The following TBC1D1 variants were observed in gnomAD, a reference collection of about 807,000 sequenced individuals.
TBC1D1 encodes the protein TBC1 (tre-2/USP6, BUB2, cdc16) domain family, member 1.
In TBC1D1, 89 loss-of-function variants were observed where a neutral mutation model predicts 125.6. The ratio of observed to expected loss-of-function variants is 0.71; its 90% CI spans 0.60 to 0.85. The LOEUF (loss-of-function observed/expected upper bound fraction) is 0.85. TBC1D1 is among the 40% of genes least tolerant of loss of function. TBC1D1 has a pLI of 0.00. For synonymous variants in TBC1D1, 565 were observed against 564.1 expected, an observed-to-expected ratio of 1.00 and a Z score of -0.02; for missense variants, 1,377 against 1,469.2, an observed-to-expected ratio of 0.94 and a Z score of 1.03.
In TBC1D1 at chr4:38,017,784, G is replaced by A. The variant is rs150738236; in HGVS notation, c.883-570G>A. Among the ~76,000 whole-genome samples the A allele has an allele frequency of 3.9e-5, 6 of 152,300 alleles. No homozygotes were observed. The East Asian group carries it at 1.2e-3, about 29-fold the overall frequency. On this transcript the variant is annotated intron_variant, in intron 3 of 19. Transcript: ENST00000261439. Reference sequence around the variant, plus strand: ...AAAAGGCAGCCTTTCACAGCCTGCAGGGGCGTGTGCACACAGAGTAGGTTG... The same window carrying A: ...AAAAGGCAGCCTTTCACAGCCTGCAAGGGCGTGTGCACACAGAGTAGGTTG...
chr4:37,930,797 C>T (rs868778510), intron 2 of TBC1D1, among the ~76,000 whole-genome samples: 1 of 151,974 alleles, frequency 6.6e-6, no homozygotes. Context: ...TGTTTGTTTT[C>T]CTAAAGAAAT....
rs542577859 is a variant in TBC1D1 at position 38,037,775 on chromosome 4, AT to A, written c.1413+2078del. Among the ~76,000 whole-genome samples the A allele has an allele frequency of 1.1e-4, 17 of 152,334 alleles. No homozygotes were observed. The East Asian group carries it at 2.3e-3, about 21-fold the overall frequency. ...GCGTGTCAGGGTCGGCAGGGAGGCC[AT>A]ATGCGCTTTTCAAAGACCAAAAGAA... On this transcript the variant is annotated intron_variant, in intron 8 of 19. Coordinates refer to ENST00000261439, the MANE Select transcript of TBC1D1 (RefSeq NM_015173.4).
At chr4:38,080,252 CAG>C (rs1244105337) in intron 12 of TBC1D1, among the ~76,000 whole-genome samples, 6 of 152,164 alleles carry the variant, frequency 3.9e-5, no homozygotes, top group Admixed American at 2.0e-4. Flanking sequence ...GCTGTAATCA[CAG>C]AGTGAACAAT....
At chr4:38,112,549 C>G (rs959208001) in intron 15 of TBC1D1, among the ~76,000 whole-genome samples, 2 of 152,132 alleles carry the variant, frequency 1.3e-5, no homozygotes, top group Non-Finnish European at 2.9e-5. Context: ...TGTGTTCTGT[C>G]CCTTTTTAAA....
rs1307382926 is a variant in TBC1D1, at chr4:37,902,382, G to A, written c.287G>A (p.Cys96Tyr). ...CTGATCTATTCCAGCATCTTTGAGT[G>A]CAAGCCTCAGCGTGTTCACAAACTG... is the stretch of plus-strand genomic sequence containing the variant. The change falls in exon 2 of 20, where the codon TGC becomes TAC. Residue 96 changes from cysteine to tyrosine, a missense_variant. Transcript: ENST00000261439. The A allele has an allele frequency of 6.2e-7, 1 of 1,614,100 alleles. No individual in the cohort carries two copies. Among genetic ancestry groups the A allele is most frequent in the African/African-American group, 1.3e-5 (1 of 74,930 alleles).
chr4:38,000,737 GACA>G (rs1738886694), intron 2 of TBC1D1, among the ~76,000 whole-genome samples: 1 of 152,074 alleles, frequency 6.6e-6, no homozygotes, highest in Admixed American at 6.6e-5. Context: ...GTTAAATTCT[GACA>G]CTAACAACCT....
intron 14 of TBC1D1, among the ~76,000 whole-genome samples, chr4:38,100,278 C>T (rs1396677536): frequency 1.3e-5 from 2 of 152,244 alleles, no homozygotes; most frequent in African/African-American, 4.8e-5. Context: ...AAATTCTTCT[C>T]TCAGTGTTCT....
chr4:38,001,740 T>C (rs888021714), intron 2 of TBC1D1, among the ~76,000 whole-genome samples: 4 of 152,214 alleles, frequency 2.6e-5, no homozygotes, highest in Admixed American at 6.5e-5. Flanking sequence ...ACCAAATAGT[T>C]CTTATTATAT....
At chr4:38,027,621 G>A (rs2152445650) in intron 6 of TBC1D1, among the ~76,000 whole-genome samples, 167 bp from the exon 7 acceptor site, 1 of 152,012 alleles carries the variant, frequency 6.6e-6, no homozygotes, top group Admixed American at 6.6e-5. Flanking sequence ...GGGTGACAGA[G>A]TGGGATTCCA....
intron 15 of TBC1D1, among the ~76,000 whole-genome samples, chr4:38,103,598 G>C (rs1033034211): frequency 6.6e-6 from 1 of 152,168 alleles, no homozygotes; most frequent in African/African-American, 2.4e-5. Flanking sequence ...GTTTGTGTGT[G>C]TGCCTTGAAT....
intron 2 of TBC1D1, among the ~76,000 whole-genome samples, chr4:37,905,907 C>T (rs1717210616): frequency 6.6e-6 from 1 of 152,158 alleles, no homozygotes; most frequent in Non-Finnish European, 1.5e-5. Flanking sequence ...CCATTAGAAA[C>T]TCTGCTCTTG....
chr4:38,097,337 TGGG>T, intron 14 of TBC1D1, among the ~76,000 whole-genome samples: 1 of 138,942 alleles, frequency 7.2e-6, no homozygotes, highest in Non-Finnish European at 1.6e-5. Context: ...TAATTTTTTG[TGGG>T]TTTTTTTTTT....
At chr4:38,038,607 C>G (rs1322388760) in intron 8 of TBC1D1, among the ~76,000 whole-genome samples, 1 of 152,088 alleles carries the variant, frequency 6.6e-6, no homozygotes, top group Admixed American at 6.5e-5. Context: ...TGAGTTTTGA[C>G]CACTGCTGCT....
Position 38,089,867 on chromosome 4 carries a change from A to G in TBC1D1, c.2051-65A>G, listed in dbSNP as rs922625727. 4.2e-6 allele frequency: 6 copies of G among 1,444,500 alleles called. No homozygotes were observed. In the African/African-American group the frequency reaches 8.6e-5, roughly 21 times the overall value. The allele number at this position is 1,444,500 out of a possible 1,614,324, so 89.5% of individuals were successfully genotyped here. ...AATGAACAGAATTTGCTGATTTGAC[A>G]CTGTGTTTGAATGTGCATTTTTTGT... On this transcript the variant is annotated intron_variant, in intron 12 of 19. Coordinates refer to ENST00000261439, the MANE Select transcript of TBC1D1 (RefSeq NM_015173.4).
chr4:38,095,113 A>G (rs1261271663), intron 13 of TBC1D1, among the ~76,000 whole-genome samples: 1 of 152,168 alleles, frequency 6.6e-6, no homozygotes, highest in East Asian at 1.9e-4. Flanking sequence ...GGAAAAGATT[A>G]AAGATGGTGG....
intron 1 of TBC1D1, among the ~76,000 whole-genome samples, chr4:37,895,022 T>C (rs914845480): frequency 1.3e-5 from 2 of 152,244 alleles, no homozygotes; most frequent in African/African-American, 4.8e-5. Flanking sequence ...AAAATGTCCA[T>C]GAAGTGGTAG....
At chr4:38,062,329 G>T (rs1752920130) in intron 12 of TBC1D1, among the ~76,000 whole-genome samples, 1 of 147,898 alleles carries the variant, frequency 6.8e-6, no homozygotes, top group Admixed American at 6.8e-5. Context: ...TATATTCCTT[G>T]CTCATTTGCA....
intron 2 of TBC1D1, among the ~76,000 whole-genome samples, chr4:37,959,504 A>G (rs1462369422): frequency 6.6e-6 from 1 of 152,198 alleles, no homozygotes; most frequent in African/African-American, 2.4e-5. Context: ...GCAGCCGCAG[A>G]AGAAAATCTG....
chr4:38,115,452 A>T (rs1762834607), intron 15 of TBC1D1, among the ~76,000 whole-genome samples: 1 of 152,182 alleles, frequency 6.6e-6, no homozygotes, highest in Non-Finnish European at 1.5e-5. Flanking sequence ...GACCGAAGGT[A>T]GTTCTGATTA....
Sources: allele counts gnomAD v4.1 joint callset (sites outside exome capture counted in the v4.1 genomes callset), GRCh38; gene constraint gnomAD v4.1.1; transcripts MANE v1.5; gene names NCBI Gene and HGNC (gene_info 2026-07-23, HGNC 2026-07-21).